Variants in HERC3 observed in about 807,000 individuals in gnomAD.
HERC3 encodes HECT and RLD domain containing E3 ubiquitin protein ligase 3.
Under a neutral mutation model 129.9 loss-of-function variants are expected in HERC3, and 58 were observed. The observed-to-expected ratio is 0.45, with a 90% confidence interval of 0.36 to 0.56. The LOEUF (loss-of-function observed/expected upper bound fraction) is 0.56, where lower values mean the gene tolerates loss of function less well. Ranked by LOEUF, HERC3 falls within the 20% of genes least tolerant of loss-of-function variation. The probability of loss-of-function intolerance (pLI) is 0.00; values close to 1 mark genes in which losing one functional copy is unlikely to be tolerated. For synonymous variants in HERC3, 430 were observed against 451.0 expected (o/e 0.95, Z 0.59); for missense variants, 835 against 1,244.2 (o/e 0.67, Z 4.95).
At chr4:88,668,209 CT>C (rs1578277690) in intron 14 of HERC3, 128 bp downstream of exon 14, 3 of 674,480 alleles carry the variant, frequency 4.4e-6, no homozygotes, top group East Asian at 2.9e-5. Flanking sequence ...CACTTAAAAC[CT>C]TTTTTTCTTT....
At chr4:88,549,570 T>C in the HERC3 span, among the ~76,000 whole-genome samples, 2 of 152,194 alleles carry the variant, frequency 1.3e-5, no homozygotes, top group African/African-American at 4.8e-5. Flanking sequence ...TGGTTTTTGA[T>C]TTTCTGTTTC....
At chr4:88,630,467 A>G (rs1726619873) in intron 3 of HERC3, among the ~76,000 whole-genome samples, 1 of 152,192 alleles carries the variant, frequency 6.6e-6, no homozygotes, top group African/African-American at 2.4e-5. Flanking sequence ...ATACGCTTGC[A>G]TTAAGATACA....
At chr4:88,620,904 A>G (rs1725440650) in intron 3 of HERC3, among the ~76,000 whole-genome samples, 2 of 151,946 alleles carry the variant, frequency 1.3e-5, no homozygotes, top group South Asian at 2.1e-4. Flanking sequence ...AGATGCCTCC[A>G]TTTACTACCC....
chr4:88,647,968 A>G (rs1728878083), intron 3 of HERC3, among the ~76,000 whole-genome samples: 1 of 151,984 alleles, frequency 6.6e-6, no homozygotes, highest in East Asian at 1.9e-4. Context: ...CTTCCTCACC[A>G]CCAGACACTC....
intron 3 of HERC3, among the ~76,000 whole-genome samples, chr4:88,640,951 C>T (rs897541443): frequency 3.3e-5 from 5 of 152,090 alleles, no homozygotes; most frequent in Admixed American, 6.5e-5. Context: ...CACCATCAAA[C>T]GGACTAGATA....
At chr4:88,680,047 T>A in intron 19 of HERC3, 46 bp from the exon 20 acceptor site, 1 of 1,539,002 alleles carries the variant, frequency 6.5e-7, no homozygotes, top group Admixed American at 1.9e-5. Flanking sequence ...AGATAAAATG[T>A]GTCATAGATT....
intron 3 of HERC3, among the ~76,000 whole-genome samples, chr4:88,639,887 G>GA (rs369103235): frequency 1.7e-4 from 25 of 147,160 alleles, no homozygotes; most frequent in South Asian, 6.4e-4. Flanking sequence ...AAATTTACAA[G>GA]AAAAAAAAAA....
intron 4 of HERC3, 131 bp downstream of exon 4, chr4:88,650,130 A>G: frequency 2.4e-6 from 2 of 835,268 alleles, no homozygotes; most frequent in Non-Finnish European, 1.8e-6. Context: ...GCCTTATACT[A>G]TTAAAACACT....
intron 3 of HERC3, among the ~76,000 whole-genome samples, chr4:88,608,789 C>T (rs1723956666): frequency 6.6e-6 from 1 of 152,154 alleles, no homozygotes; most frequent in Non-Finnish European, 1.5e-5. Flanking sequence ...TTTGGAGGGT[C>T]ATGGCCCAAC....
intron 16 of HERC3, among the ~76,000 whole-genome samples, chr4:88,672,569 T>C (rs1329832401): frequency 1.3e-5 from 2 of 152,236 alleles, no homozygotes; most frequent in Non-Finnish European, 2.9e-5. Flanking sequence ...ATTTTTTTGA[T>C]GTGTGTTGGC....
chr4:88,569,721 G>T, the HERC3 span, among the ~76,000 whole-genome samples: 2 of 152,158 alleles, frequency 1.3e-5, no homozygotes, highest in Non-Finnish European at 2.9e-5. Context: ...AGCCCTCCAG[G>T]TCATGCATAT....
intron 2 of HERC3, among the ~76,000 whole-genome samples, chr4:88,600,072 G>A (rs1722814512): frequency 1.3e-5 from 2 of 152,114 alleles, no homozygotes; most frequent in South Asian, 4.1e-4. Flanking sequence ...AAGATGAAAT[G>A]AGCCAACATC....
chr4:88,683,711 T>A (rs1404450957), intron 21 of HERC3, among the ~76,000 whole-genome samples: 2 of 152,256 alleles, frequency 1.3e-5, no homozygotes, highest in East Asian at 3.8e-4. Flanking sequence ...ATGATTGTTG[T>A]TGCCATAAAC....
intron 3 of HERC3, among the ~76,000 whole-genome samples, chr4:88,633,537 A>G (rs1389818018): frequency 6.6e-6 from 1 of 152,214 alleles, no homozygotes; most frequent in African/African-American, 2.4e-5. Flanking sequence ...AAGCTATACC[A>G]AGTAATATAG....
At chr4:88,672,635 A>G (rs1731737616) in intron 16 of HERC3, among the ~76,000 whole-genome samples, 1 of 152,210 alleles carries the variant, frequency 6.6e-6, no homozygotes, top group African/African-American at 2.4e-5. Flanking sequence ...CACATGCTCC[A>G]GTCAAAAAGA....
At chr4:88,617,105 T>C (rs1724981861) in intron 3 of HERC3, among the ~76,000 whole-genome samples, 1 of 146,288 alleles carries the variant, frequency 6.8e-6, no homozygotes, top group Non-Finnish European at 1.5e-5. Context: ...GCTTCACTAT[T>C]GAAATGCCTG....
chr4:88,623,821 G>A (rs1368520902), intron 3 of HERC3, among the ~76,000 whole-genome samples: 1 of 152,120 alleles, frequency 6.6e-6, no homozygotes, highest in Admixed American at 6.5e-5. Flanking sequence ...TTTACACGCA[G>A]TAGGAGTCAC....
chr4:88,675,852 C>A (rs1317515303), intron 16 of HERC3, among the ~76,000 whole-genome samples: 1 of 151,966 alleles, frequency 6.6e-6, no homozygotes, highest in Non-Finnish European at 1.5e-5. Context: ...CAAATAAAAT[C>A]TAATTTGTAT....
At chr4:88,694,578 C>A (rs2924358) in intron 23 of HERC3, among the ~76,000 whole-genome samples, 9,735 of 152,192 alleles carry the variant, frequency 0.064, 675 homozygotes, top group South Asian at 0.33. Context: ...AGGTAAAAAT[C>A]TAAACTGTTT....
Sources: allele counts gnomAD v4.1 joint callset (sites outside exome capture counted in the v4.1 genomes callset), GRCh38; gene constraint gnomAD v4.1.1; transcripts MANE v1.5; gene names NCBI Gene and HGNC (gene_info 2026-07-23, HGNC 2026-07-21).